CACNG7: variants seen among roughly 807,000 people sequenced by gnomAD.
CACNG7 encodes the protein voltage-dependent calcium channel gamma-7 subunit.
A neutral mutation model predicts 26.3 loss-of-function variants in CACNG7; 9 were observed. The ratio of observed to expected loss-of-function variants is 0.34; its 90% CI spans 0.21 to 0.60. CACNG7 has a LOEUF of 0.60. Ranked by LOEUF, CACNG7 falls within the 20% of genes least tolerant of loss-of-function variation. The probability of loss-of-function intolerance (pLI) is 0.81; values close to 1 mark genes in which losing one functional copy is unlikely to be tolerated. For missense variants in CACNG7, 297 were observed against 380.4 expected (o/e 0.78, Z 1.82); for synonymous variants, 170 against 157.0 (o/e 1.08, Z -0.62).
Position 53,921,298 on chromosome 19 carries a change from C to A in CACNG7, c.424+5793C>A, listed in dbSNP as rs563697172. 7.4e-4 allele frequency among the ~76,000 whole-genome samples: 92 copies of A among 125,122 alleles called. 4 individuals are homozygous for A. The highest frequency in any genetic ancestry group is 3.3e-3 in the African/African-American group (90 of 27,312). 82.1% of individuals were successfully genotyped at this position (125,122 alleles called of 152,430 possible). On this transcript the variant is annotated intron_variant, in intron 4 of 5. Transcript: ENST00000391767. ...TTGGTGGAGTTGCCTCAGGTCTGGT[C>A]ATTGGTGGACTTGCCCCAGGTCTGG...
At chr19:53,920,423 G>C (rs1263203628) in intron 4 of CACNG7, among the ~76,000 whole-genome samples, 1 of 92,226 alleles carries the variant, frequency 1.1e-5, no homozygotes, top group Non-Finnish European at 2.0e-5. Context: ...CTGGTCATTG[G>C]TGGACTTGCC....
intron 4 of CACNG7, among the ~76,000 whole-genome samples, chr19:53,928,439 T>A (rs534654425): frequency 6.6e-6 from 1 of 151,394 alleles, no homozygotes; most frequent in Admixed American, 6.6e-5. Flanking sequence ...GCCTGGCTAA[T>A]TTTTTTTTGT....
rs776971448 is a variant in CACNG7, at chr19:53,931,759, C to CTT, written c.425-9692_425-9691dup. 7.7e-3 allele frequency among the ~76,000 whole-genome samples: 839 copies of CTT among 108,738 alleles called. 23 individuals carry two copies. The highest frequency in any genetic ancestry group is 0.025 in the African/African-American group (731 of 28,908). 71.3% of individuals were successfully genotyped at this position (108,738 alleles called of 152,430 possible). On this transcript the variant is annotated intron_variant, in intron 4 of 5. Transcript: ENST00000391767. Reference sequence around the variant, plus strand: ...TACTATTTGTTTTTAACAACGCTGACTTTTTTTTTTTTTTTTTTTTGAGAT... The same window carrying CTT: ...TACTATTTGTTTTTAACAACGCTGACTTTTTTTTTTTTTTTTTTTTTTGAGAT...
Position 53,912,736 on chromosome 19 carries a change from T to C in CACNG7, c.-29-67T>C. 8.0e-7 allele frequency: 1 copy of C among 1,255,598 alleles called. No homozygotes were observed. The highest frequency in any genetic ancestry group is 2.3e-5 in the East Asian group (1 of 42,780). 77.8% of individuals were successfully genotyped at this position (1,255,598 alleles called of 1,614,324 possible). On this transcript the variant is annotated intron_variant, in intron 1 of 5. Coordinates refer to ENST00000391767, the MANE Select transcript of CACNG7 (RefSeq NM_031896.5). The surrounding 1 kb of genome is among the most constrained non-coding windows in gnomAD (Gnocchi z 4.6). The stretch of plus-strand genomic sequence containing the variant: ...TCTGGCTAGGGCCCAGCATCCCGGG[T>C]TGCTGCATGGGGTCAAGCACTCTGG...
intron 4 of CACNG7, among the ~76,000 whole-genome samples, chr19:53,921,363 C>CGTCCCCAGGTCTGGTCATTGGTGGAGT (rs1568774262): frequency 5.7e-5 from 5 of 87,046 alleles, no homozygotes. Flanking sequence ...TTGGTGGAGT[C>CGTCCCCAGGTCTGGTCATTGGTGGAGT]GTCCCCAGGT....
intron 1 of CACNG7, among the ~76,000 whole-genome samples, chr19:53,911,662 G>T (rs1282947429): frequency 1.3e-5 from 2 of 152,168 alleles, no homozygotes; most frequent in African/African-American, 4.8e-5. Flanking sequence ...CTGGGATGGA[G>T]GCAGCCAGGG....
intron 4 of CACNG7, among the ~76,000 whole-genome samples, chr19:53,916,098 C>T (rs2068895631): frequency 6.6e-6 from 1 of 152,232 alleles, no homozygotes; most frequent in South Asian, 2.1e-4. Context: ...GTCCATCTGT[C>T]TATATGTCCA....
At chr19:53,932,252 T>TAAAAAAAAAAAAAAAAAAAAAAAATAAA (rs765449244) in intron 4 of CACNG7, among the ~76,000 whole-genome samples, 1 of 53,242 alleles carries the variant, frequency 1.9e-5, no homozygotes, top group Admixed American at 2.3e-4. Context: ...AGGCCCTGTC[T>TAAAAAAAAAAAAAAAAAAAAAAAATAAA]AAAAAAAAAA....
At position 53,909,413 on chromosome 19, in the gene CACNG7, G is replaced by T. The variant is rs975748561; in HGVS notation, c.-134G>T. 5.4e-5 allele frequency: 8 copies of T among 148,746 alleles called. No individual in the cohort carries two copies. Among genetic ancestry groups the T allele is most frequent in the African/African-American group, 1.7e-4 (7 of 41,098 alleles). 9.2% of individuals were successfully genotyped at this position (148,746 alleles called of 1,614,324 possible). On this transcript the variant is annotated 5_prime_UTR_variant, in exon 1 of 6. Coordinates refer to ENST00000391767, the MANE Select transcript of CACNG7 (RefSeq NM_031896.5). This position sits in a 1 kb window ranked among gnomAD's most constrained non-coding sequence, Gnocchi z 5.1. ...TCCGGGGCGGGGGCGGGGGGCGCGG[G>T]CACCGGCGACCCCGGTGGCGGCGGC...
intron 4 of CACNG7, among the ~76,000 whole-genome samples, chr19:53,924,419 CCCCAGGTCTGGTCATTGGTGGAGTTGT>C (rs2069003604): frequency 1.0e-4 from 15 of 145,998 alleles, no homozygotes; most frequent in East Asian, 2.1e-4. Flanking sequence ...GGTGGAGTTG[CCCCAGGTCTGGTCATTGGTGGAGTTGT>C]CCCAGGTCTG....
rs1481879908 is a variant in CACNG7, at chr19:53,912,748, G to T, written c.-29-55G>T. 1 of 1,431,474 alleles carries T rather than the reference G, an allele frequency of 7.0e-7. No individual in the cohort carries two copies. The highest frequency in any genetic ancestry group is 2.3e-5 in the East Asian group (1 of 43,810). 88.7% of individuals were successfully genotyped at this position (1,431,474 alleles called of 1,614,324 possible). On this transcript the variant is annotated intron_variant, in intron 1 of 5. Transcript: ENST00000391767. This position sits in a 1 kb window ranked among gnomAD's most constrained non-coding sequence, Gnocchi z 4.6. ...CCAGCATCCCGGGTTGCTGCATGGG[G>T]TCAAGCACTCTGGTCGGTCCCATGG...
intron 4 of CACNG7, among the ~76,000 whole-genome samples, chr19:53,922,395 C>A (rs2068967966): frequency 8.9e-6 from 1 of 111,916 alleles, no homozygotes; most frequent in African/African-American, 4.4e-5. Context: ...TGGAGTTGTC[C>A]CCAGGCCTGG....
chr19:53,929,217 A>G (rs1469999983), intron 4 of CACNG7, among the ~76,000 whole-genome samples: 1 of 151,894 alleles, frequency 6.6e-6, no homozygotes, highest in Non-Finnish European at 1.5e-5. Flanking sequence ...TTCAGGAAGT[A>G]AAGCAGACAT....
At chr19:53,930,418 G>T (rs963462972) in intron 4 of CACNG7, among the ~76,000 whole-genome samples, 8 of 152,068 alleles carry the variant, frequency 5.3e-5, no homozygotes, top group Non-Finnish European at 1.2e-4. Context: ...TTTTGCCCAG[G>T]CTGGAGTGCA....
intron 4 of CACNG7, among the ~76,000 whole-genome samples, chr19:53,925,882 A>G (rs1385833073): frequency 6.6e-6 from 1 of 152,232 alleles, no homozygotes; most frequent in East Asian, 1.9e-4. Context: ...GGAAGAATCA[A>G]TAGAATCAGA....
chr19:53,921,491 G>C (rs200009328), intron 4 of CACNG7, among the ~76,000 whole-genome samples: 2,940 of 140,522 alleles, frequency 0.021, no homozygotes, highest in African/African-American at 0.059. Flanking sequence ...CTGGTCATTG[G>C]TGGAGTTGCC....
intron 4 of CACNG7, among the ~76,000 whole-genome samples, chr19:53,924,835 AGTTG>A: frequency 1.7e-5 from 2 of 116,792 alleles, no homozygotes; most frequent in African/African-American, 3.4e-5. Flanking sequence ...TCATTGGTGG[AGTTG>A]CCCCAGGTCT....
rs2068969213 is a variant in CACNG7 at position 53,922,474 on chromosome 19, CCCCAGGTCTGGTCATTGGTGGAGTTGT to C, written c.424+7003_424+7029del. 7.7e-5 allele frequency among the ~76,000 whole-genome samples: 7 copies of C among 90,522 alleles called. 1 individual carries two copies. The highest frequency in any genetic ancestry group is 4.6e-4 in the South Asian group (1 of 2,196). The allele number at this position is 90,522 out of a possible 152,430, so 59.4% of individuals were successfully genotyped here. On this transcript the variant is annotated intron_variant, in intron 4 of 5. Coordinates refer to ENST00000391767, the MANE Select transcript of CACNG7 (RefSeq NM_031896.5). Reference sequence around the variant, plus strand: ...CCCAGGCTGGTCATTGGTGGAGTTGCCCCAGGTCTGGTCATTGGTGGAGTTGTCCCAGGTCTGGTCATTGGTGGAGTT... The same window carrying C: ...CCCAGGCTGGTCATTGGTGGAGTTGCCCCAGGTCTGGTCATTGGTGGAGTT...
rs775309749 is a variant in CACNG7, at chr19:53,915,414, G to A, written c.333G>A (p.Val111=). ...TCCCCATGGTCAGCCTCTTCCTCGT[G>A]TTCACGGCCTTCGTCATCAGCAACA... is the stretch of plus-strand genomic sequence containing the variant. The part of the protein sequence containing the change: ...TPFPMVSLFL[V]FTAFVISNIG... The change falls in exon 4 of 6, where the codon GTG becomes GTA. Residue 111 remains valine (V), a synonymous_variant. Transcript: ENST00000391767. The A allele has an allele frequency of 6.2e-7, 1 of 1,614,054 alleles. No individual in the cohort carries two copies. Among genetic ancestry groups the A allele is most frequent in the South Asian group, 1.1e-5 (1 of 91,076 alleles).
Sources: gnomAD v4.1 joint callset for allele counts (sites outside exome capture counted in the v4.1 genomes callset) on GRCh38, gnomAD v4.1.1 for gene constraint, Gnocchi (gnomAD v3.1) non-coding constraint, MANE v1.5 for transcripts, NCBI Gene and HGNC (gene_info 2026-07-23, HGNC 2026-07-21) for gene names.